Variants in DNAH7 observed in about 807,000 individuals in gnomAD.
The protein encoded by DNAH7 is dynein axonemal heavy chain 7.
DNAH7 carries 397 observed loss-of-function variants against 444.6 expected under a neutral mutation model. That is an observed-to-expected ratio of 0.89 (90% CI 0.82 to 0.97). The LOEUF is 0.97. Among genes scored for constraint, DNAH7 ranks in the 50% least tolerant of loss-of-function variants. DNAH7 has a pLI of 0.00. For missense variants in DNAH7, 4,902 were observed against 4,800.8 expected (o/e 1.02, Z -0.62); for synonymous variants, 1,636 against 1,624.4 (o/e 1.01, Z -0.17).
At chr2:195,966,393 CA>C (rs1379007030) in intron 17 of DNAH7, among the ~76,000 whole-genome samples, 6 of 152,196 alleles carry the variant, frequency 3.9e-5, no homozygotes, top group African/African-American at 1.2e-4. Context: ...GAGGATTACC[CA>C]TATGCTGAGG....
At chr2:196,007,432 T>TAAAGGTCAA (rs1383164681) in intron 10 of DNAH7, among the ~76,000 whole-genome samples, 1 of 152,142 alleles carries the variant, frequency 6.6e-6, no homozygotes, top group African/African-American at 2.4e-5. Flanking sequence ...ATTTGGTTTG[T>TAAAGGTCAA]AAAGGTCAAA....
At chr2:195,961,040 A>T in intron 17 of DNAH7, 95 bp from the exon 18 acceptor site, 2 of 1,065,922 alleles carry the variant, frequency 1.9e-6, no homozygotes, top group Non-Finnish European at 2.5e-6. Flanking sequence ...TGTGAGCCAA[A>T]AAAACCTTAC....
chr2:195,939,478 C>T (rs1689276618), intron 19 of DNAH7, among the ~76,000 whole-genome samples: 1 of 152,032 alleles, frequency 6.6e-6, no homozygotes, highest in African/African-American at 2.4e-5. Flanking sequence ...ATGTACAAGC[C>T]TCCATGTCAC....
In DNAH7 at chr2:195,855,890, T is replaced by C. The variant is rs1255064586; in HGVS notation, c.8516A>G (p.Lys2839Arg). ...CCTGGCCAGCTTGTCCTGAACTTCCTTAAGGGCTGCCTGCTTCTTTCTAAG... is the reference window on the plus strand; with the variant it reads ...CCTGGCCAGCTTGTCCTGAACTTCCCTAAGGGCTGCCTGCTTCTTTCTAAG... ...DGLRKKQAAL[K>R]EVQDKLARLQ... The change falls in exon 45 of 65, where the codon AAG becomes AGG. Residue 2839 changes from lysine (K) to arginine (R), a missense_variant. By Grantham distance (26) the Lys-to-Arg change is conservative. Transcript: ENST00000312428. The C allele has an allele frequency of 3.1e-6, 5 of 1,614,078 alleles. No individual in the cohort carries two copies. Among genetic ancestry groups the C allele is most frequent in the Non-Finnish European group, 4.2e-6 (5 of 1,179,956 alleles).
chr2:195,979,785 C>A (rs547041164), intron 15 of DNAH7, among the ~76,000 whole-genome samples: 8 of 151,832 alleles, frequency 5.3e-5, no homozygotes, highest in Non-Finnish European at 4.4e-5. Context: ...GAAGACATGA[C>A]AATCAAAACC....
intron 9 of DNAH7, among the ~76,000 whole-genome samples, chr2:196,018,914 A>T (rs1260443494): frequency 2.0e-5 from 3 of 152,132 alleles, no homozygotes; most frequent in Non-Finnish European, 4.4e-5. Context: ...GCCTCTACCA[A>T]AATATCTCAT....
At chr2:196,036,001 TACA>T (rs147231938) in intron 5 of DNAH7, among the ~76,000 whole-genome samples, 6,402 of 150,510 alleles carry the variant, frequency 0.043, 316 homozygotes, top group African/African-American at 0.12. Flanking sequence ...CTGTCCTTGG[TACA>T]ACAGTACCTG....
intron 63 of DNAH7, among the ~76,000 whole-genome samples, chr2:195,752,906 T>C (rs1476928670): frequency 6.6e-6 from 1 of 152,198 alleles, no homozygotes; most frequent in African/African-American, 2.4e-5. Context: ...AGTGAGAACC[T>C]GCAGACAGCA....
chr2:196,020,615 T>G (rs1468106689), intron 8 of DNAH7, among the ~76,000 whole-genome samples: 3 of 146,390 alleles, frequency 2.0e-5, no homozygotes, highest in East Asian at 3.9e-4. Context: ...GGCTTTTGTT[T>G]TTTTTTTTTT....
At chr2:196,068,041 CAGAA>C (rs530707173) in intron 1 of DNAH7, among the ~76,000 whole-genome samples, 4 of 151,398 alleles carry the variant, frequency 2.6e-5, no homozygotes, top group Admixed American at 6.6e-5. Flanking sequence ...GAGAGAAAGA[CAGAA>C]AGGAAAAAAA....
At chr2:195,937,247 A>G (rs964683311) in intron 19 of DNAH7, among the ~76,000 whole-genome samples, 2 of 152,172 alleles carry the variant, frequency 1.3e-5, no homozygotes, top group Non-Finnish European at 2.9e-5. Context: ...AACTACAGAG[A>G]AAAAAGTAAG....
At chr2:195,793,932 T>G (rs1696015425) in intron 57 of DNAH7, among the ~76,000 whole-genome samples, 1 of 152,132 alleles carries the variant, frequency 6.6e-6, no homozygotes, top group Non-Finnish European at 1.5e-5. Flanking sequence ...GTAAAATCAT[T>G]TTGGCTCTCA....
intron 60 of DNAH7, among the ~76,000 whole-genome samples, 198 bp downstream of exon 60, chr2:195,775,648 G>GAT (rs997472969): frequency 7.3e-6 from 1 of 136,986 alleles, no homozygotes; most frequent in African/African-American, 2.7e-5. Flanking sequence ...AAAGATAGAT[G>GAT]AAAAAAAAAA....
At position 195,923,623 on chromosome 2, in the gene DNAH7, C is replaced by A; in HGVS notation, c.3797G>T (p.Trp1266Leu). Residue 1266 changes from tryptophan (W) to leucine (L), a missense_variant, in exon 23 of 65, where the codon TGG (tryptophan) becomes TTG (leucine). By Grantham distance (61) the Trp-to-Leu change is moderately conservative. Coordinates refer to ENST00000312428, the MANE Select transcript of DNAH7 (RefSeq NM_018897.3). ...KNISDDSDFEWLSQLRYYWQE... is the reference protein window; with the variant it reads ...KNISDDSDFELLSQLRYYWQE... ...CCAGTAGTACCTAAGCTGACTTAAC[C>A]ATTCAAAGTCAGAGTCATCGCTAAT... 1 of 1,614,064 alleles carries A rather than the reference C, an allele frequency of 6.2e-7. No homozygotes were observed. Among genetic ancestry groups the A allele is most frequent in the Non-Finnish European group, 8.5e-7 (1 of 1,180,004 alleles).
intron 22 of DNAH7, 86 bp downstream of exon 22, chr2:195,926,340 T>C (rs959209697): frequency 8.4e-7 from 1 of 1,186,266 alleles, no homozygotes; most frequent in East Asian, 3.0e-5. Context: ...GAACTGTATT[T>C]ATTTTAGTTT....
chr2:195,895,136 G>A lies in DNAH7; in HGVS notation c.4736C>T (p.Ser1579Phe), dbSNP rs1440721323. The A allele has an allele frequency of 1.9e-6, 3 of 1,613,478 alleles. No individual in the cohort carries two copies. The highest frequency in any genetic ancestry group is 3.3e-5 in the Admixed American group (2 of 59,980). Residue 1579 changes from serine (S) to phenylalanine (F), a missense_variant, in exon 30 of 65, where the codon TCC becomes TTC. By Grantham distance (155) the Ser-to-Phe change is radical. Transcript: ENST00000312428. The stretch of plus-strand genomic sequence containing the variant: ...GAATGCAGTCATTTGCAAATTCATG[G>A]AGGCACAATTGTCTTTGATAGCTGC... ...LLAAIKDNCA[S>F]MNLQMTAFFS...
At chr2:196,014,469 T>A (rs1030416568) in intron 9 of DNAH7, among the ~76,000 whole-genome samples, 2 of 152,000 alleles carry the variant, frequency 1.3e-5, no homozygotes, top group African/African-American at 4.8e-5. Flanking sequence ...CCACATCCAA[T>A]CAGAAGTGAA....
At chr2:196,029,990 T>C (rs868049289) in intron 5 of DNAH7, among the ~76,000 whole-genome samples, 1 of 152,210 alleles carries the variant, frequency 6.6e-6, no homozygotes, top group Middle Eastern at 3.4e-3. Context: ...ATGAAGAAAC[T>C]AGAAGAAAAG....
At chr2:195,932,668 T>C (rs1380394325) in intron 21 of DNAH7, among the ~76,000 whole-genome samples, 2 of 152,242 alleles carry the variant, frequency 1.3e-5, no homozygotes, top group East Asian at 3.9e-4. Flanking sequence ...CTGCATCTAT[T>C]GAGATAATCA....
Sources: gnomAD v4.1 joint callset for allele counts (sites outside exome capture counted in the v4.1 genomes callset) on GRCh38, gnomAD v4.1.1 for gene constraint, MANE v1.5 for transcripts, NCBI Gene and HGNC (gene_info 2026-07-23, HGNC 2026-07-21) for gene names.